Variants in GRB2 observed in about 807,000 individuals in gnomAD.
The protein encoded by GRB2 is growth factor receptor bound protein 2, also known as growth factor receptor-bound protein 2.
GRB2 carries 2 observed loss-of-function variants against 27.4 expected under a neutral mutation model. The observed-to-expected ratio is 0.07, with a 90% CI of 0.03 to 0.23. The LOEUF is 0.23. GRB2 is among the 10% of genes least tolerant of loss of function. The pLI, the probability that GRB2 is intolerant of heterozygous loss-of-function variation, is 1.00. For missense variants in GRB2, 102 were observed against 282.4 expected (o/e 0.36, Z 4.58); for synonymous variants, 94 against 99.6 (o/e 0.94, Z 0.33).
chr17:75,321,886 G>C, intron 4 of GRB2, 59 bp from the exon 5 acceptor site: 1 of 1,542,270 alleles, frequency 6.5e-7, no homozygotes, highest in Admixed American at 1.7e-5. Flanking sequence ...CAAATCGAGG[G>C]TATTTCCATA....
At chr17:75,330,055 G>A (rs993136373) in intron 3 of GRB2, among the ~76,000 whole-genome samples, 11 of 152,062 alleles carry the variant, frequency 7.2e-5, no homozygotes, top group African/African-American at 2.2e-4. Flanking sequence ...CTTGCTGCAA[G>A]CTCTAACAGG....
At chr17:75,382,551 GAT>G (rs1279149558) in intron 2 of GRB2, among the ~76,000 whole-genome samples, 14 of 152,144 alleles carry the variant, frequency 9.2e-5, no homozygotes, top group African/African-American at 3.1e-4. Context: ...TCAGATTTCA[GAT>G]CTTTGGATTA....
chr17:75,357,703 CT>C (rs1360207447), intron 2 of GRB2, among the ~76,000 whole-genome samples: 4 of 152,120 alleles, frequency 2.6e-5, no homozygotes, highest in African/African-American at 4.8e-5. Flanking sequence ...AGTAAATCAC[CT>C]GACGTCACAA....
chr17:75,381,974 C>T (rs896697077), intron 2 of GRB2, among the ~76,000 whole-genome samples: 2 of 151,854 alleles, frequency 1.3e-5, no homozygotes, highest in African/African-American at 4.8e-5. Context: ...CCTGTAATCC[C>T]AGCACTTTGG....
intron 2 of GRB2, among the ~76,000 whole-genome samples, chr17:75,382,868 C>T (rs1362136893): frequency 6.6e-6 from 1 of 152,002 alleles, no homozygotes; most frequent in Non-Finnish European, 1.5e-5. Context: ...GCCACCACGC[C>T]CAGCTAATTT....
At chr17:75,386,786 A>C (rs1358034269) in intron 2 of GRB2, among the ~76,000 whole-genome samples, 3 of 152,238 alleles carry the variant, frequency 2.0e-5, no homozygotes, top group East Asian at 3.8e-4. Flanking sequence ...GCAAGACCTA[A>C]GATCAAACTT....
At chr17:75,381,798 AAC>A (rs2078930827) in intron 2 of GRB2, among the ~76,000 whole-genome samples, 1 of 152,002 alleles carries the variant, frequency 6.6e-6, no homozygotes, top group South Asian at 2.1e-4. Flanking sequence ...ACTTCCCAAA[AAC>A]ACATACCCCT....
intron 3 of GRB2, among the ~76,000 whole-genome samples, chr17:75,330,660 C>T: frequency 6.6e-6 from 1 of 150,754 alleles, no homozygotes; most frequent in Non-Finnish European, 1.5e-5. Flanking sequence ...GGCAACAGAG[C>T]AGGATTCCGT....
intron 2 of GRB2, chr17:75,339,185 CT>C: frequency 2.3e-6 from 2 of 869,902 alleles, no homozygotes; most frequent in Non-Finnish European, 3.7e-6. Flanking sequence ...CAATAAAATC[CT>C]GAGTTTATGT....
At chr17:75,349,111 G>T (rs771135203) in intron 2 of GRB2, among the ~76,000 whole-genome samples, 11 of 152,206 alleles carry the variant, frequency 7.2e-5, no homozygotes, top group Non-Finnish European at 1.2e-4. Context: ...CTTATAACAG[G>T]TGAGAGGGTA....
At chr17:75,342,480 G>A (rs915921235) in intron 2 of GRB2, among the ~76,000 whole-genome samples, 14 of 151,736 alleles carry the variant, frequency 9.2e-5, no homozygotes, top group Non-Finnish European at 1.6e-4. Context: ...ATGATGCCCC[G>A]GCTGTTCTCC....
intron 2 of GRB2, among the ~76,000 whole-genome samples, chr17:75,337,986 A>G (rs2078592764): frequency 6.7e-6 from 1 of 149,966 alleles, no homozygotes; most frequent in African/African-American, 2.5e-5. Context: ...GCTGGAGTGC[A>G]GTGGCACAAT....
chr17:75,393,514 G>C, intron 2 of GRB2, 37 bp downstream of exon 2: 1 of 1,529,892 alleles, frequency 6.5e-7, no homozygotes, highest in Non-Finnish European at 9.1e-7. Context: ...AGCACAGGGA[G>C]AGCGATCTCA....
intron 2 of GRB2, among the ~76,000 whole-genome samples, chr17:75,390,461 A>T (rs553730903): frequency 9.2e-5 from 14 of 152,238 alleles, no homozygotes; most frequent in African/African-American, 3.4e-4. Flanking sequence ...ATTCTGATGT[A>T]TTCCAACCAC....
In GRB2 at chr17:75,386,159, C is replaced by T. The variant is rs903696015; in HGVS notation, c.78+7392G>A. Among the ~76,000 whole-genome samples, 7 of 152,022 alleles carry T rather than the reference C, an allele frequency of 4.6e-5. No individual in the cohort carries two copies. The South Asian group carries it at 6.2e-4, about 14-fold the overall frequency. On this transcript the variant is annotated intron_variant, in intron 2 of 5. Coordinates refer to ENST00000316804, the MANE Select transcript of GRB2 (RefSeq NM_002086.5). ...TTGGAGACGGAGTCTCACTCTGTCG[C>T]CCAGGCTGGAGTGCAGTGGCATGAT...
intron 2 of GRB2, among the ~76,000 whole-genome samples, chr17:75,381,489 C>T (rs966895311): frequency 6.6e-5 from 10 of 151,642 alleles, no homozygotes; most frequent in East Asian, 3.9e-4. Flanking sequence ...GAGGCTGAGG[C>T]GGGCAGATCA....
chr17:75,381,979 C>T (rs1213233494), intron 2 of GRB2, among the ~76,000 whole-genome samples: 1 of 151,924 alleles, frequency 6.6e-6, no homozygotes, highest in Non-Finnish European at 1.5e-5. Flanking sequence ...AATCCCAGCA[C>T]TTTGGGAGGC....
intron 2 of GRB2, among the ~76,000 whole-genome samples, chr17:75,369,506 A>G (rs892648946): frequency 6.6e-6 from 1 of 152,062 alleles, no homozygotes; most frequent in African/African-American, 2.4e-5. Context: ...GTTAGATCAG[A>G]ATGTGAGACT....
rs578018391 is a variant in GRB2 at position 75,349,909 on chromosome 17, T to G, written c.79-17112A>C. Among the ~76,000 whole-genome samples, 10 of 152,190 alleles carry G rather than the reference T, an allele frequency of 6.6e-5. No homozygotes were observed. In the South Asian group the frequency reaches 1.2e-3, roughly 19 times the overall value. On this transcript the variant is annotated intron_variant, in intron 2 of 5. Coordinates refer to ENST00000316804, the MANE Select transcript of GRB2 (RefSeq NM_002086.5). ...ATGAAAATAAGTTAATACTTAGTGA[T>G]AGGGATAGTATCGGTGGGAATATAA...
Sources: gnomAD v4.1 joint callset for allele counts (sites outside exome capture counted in the v4.1 genomes callset) on GRCh38, gnomAD v4.1.1 for gene constraint, MANE v1.5 for transcripts, NCBI Gene and HGNC (gene_info 2026-07-23, HGNC 2026-07-21) for gene names.